Variants in FAH observed in about 807,000 individuals in gnomAD.
The protein encoded by FAH is fumarylacetoacetate hydrolase.
A neutral mutation model predicts 55.8 loss-of-function variants in FAH; 47 were observed. That is an observed-to-expected ratio of 0.84 (90% CI 0.67 to 1.07). The LOEUF is 1.07. Among genes scored for constraint, FAH ranks in the 50% least tolerant of loss-of-function variants. FAH has a pLI of 0.00. For missense variants in FAH, 495 were observed against 545.9 expected (o/e 0.91, Z 0.93); for synonymous variants, 199 against 207.7 (o/e 0.96, Z 0.36).
chr15:80,176,773 A>G (rs1017968290), intron 10 of FAH, among the ~76,000 whole-genome samples: 8 of 152,246 alleles, frequency 5.3e-5, no homozygotes, highest in African/African-American at 1.9e-4. Context: ...GGCCACTGGT[A>G]GAAAAGGGAC....
Position 80,159,887 on chromosome 15 carries a change from A to C in FAH, c.314+10A>C. 6.2e-7 allele frequency: 1 copy of C among 1,614,008 alleles called. No homozygotes were observed. Among genetic ancestry groups the C allele is most frequent in the Non-Finnish European group, 8.5e-7 (1 of 1,179,966 alleles). On this transcript the variant is annotated intron_variant, in intron 3 of 13. Transcript: ENST00000561421. Reference sequence around the variant, plus strand: ...CCGAACTTCGGAAGTGGTGAGAAGCACGTGGTCATAGGGGGGATGAGGGGA... The same window carrying C: ...CCGAACTTCGGAAGTGGTGAGAAGCCCGTGGTCATAGGGGGGATGAGGGGA...
chr15:80,161,000 G>A (rs2041144204), intron 4 of FAH, among the ~76,000 whole-genome samples: 1 of 152,174 alleles, frequency 6.6e-6, no homozygotes, highest in African/African-American at 2.4e-5. Flanking sequence ...GTGAGCTGAG[G>A]GGCCAGTTGA....
In FAH at chr15:80,181,066, T is replaced by C. The variant is rs747601264; in HGVS notation, c.1087T>C (p.Leu363=). The part of the protein sequence containing the change: ...GPEPENFGSM[L]ELSWKGTKPI... ...GGAGCCAGAAAACTTCGGCTCCATG[T>C]TGGAACTGTCGTGGAAGGGAACGAA... is the stretch of plus-strand genomic sequence containing the variant. Residue 363 remains leucine (L), a synonymous_variant, in exon 13 of 14, where the codon TTG becomes CTG. Coordinates refer to ENST00000561421, the MANE Select transcript of FAH (RefSeq NM_000137.4). 1 of 1,613,724 alleles carries C rather than the reference T, an allele frequency of 6.2e-7. No individual in the cohort carries two copies. Among genetic ancestry groups the C allele is most frequent in the Non-Finnish European group, 8.5e-7 (1 of 1,179,740 alleles).
At chr15:80,165,049 A>AG (rs1182964071) in intron 5 of FAH, among the ~76,000 whole-genome samples, 1 of 152,236 alleles carries the variant, frequency 6.6e-6, no homozygotes, top group Non-Finnish European at 1.5e-5. Flanking sequence ...GGTAGGTAAT[A>AG]CAAGACAATT....
At chr15:80,159,627 G>T in intron 2 of FAH, 129 bp from the exon 3 acceptor site, 1 of 1,049,528 alleles carries the variant, frequency 9.5e-7, no homozygotes. Flanking sequence ...AAGAGCAGAG[G>T]TCCTGAGAGT....
intron 13 of FAH, 63 bp from the exon 14 acceptor site, chr15:80,186,067 C>T: frequency 7.4e-7 from 1 of 1,356,302 alleles, no homozygotes; most frequent in South Asian, 1.2e-5. Context: ...CTGCCGCTGC[C>T]TAGGTGTTGG....
chr15:80,160,193 TGTCTA>T, intron 3 of FAH: 1 of 651,354 alleles, frequency 1.5e-6, no homozygotes, highest in East Asian at 2.7e-5. Context: ...AGTTTCCACT[TGTCTA>T]GTCCCATTTC....
intron 4 of FAH, among the ~76,000 whole-genome samples, chr15:80,160,987 C>G (rs2041144132): frequency 6.6e-6 from 1 of 152,190 alleles, no homozygotes; most frequent in Non-Finnish European, 1.5e-5. Flanking sequence ...TACCTGGGCA[C>G]CTGTGAGCTG....
intron 10 of FAH, among the ~76,000 whole-genome samples, chr15:80,176,029 T>A (rs574081435): frequency 3.3e-5 from 5 of 151,910 alleles, no homozygotes; most frequent in Non-Finnish European, 4.4e-5. Flanking sequence ...TCTTTTTTTT[T>A]CCCCCGAGAT....
At chr15:80,163,895 T>G (rs1369164348) in intron 5 of FAH, among the ~76,000 whole-genome samples, 1 of 152,096 alleles carries the variant, frequency 6.6e-6, no homozygotes, top group Non-Finnish European at 1.5e-5. Flanking sequence ...GGTTGAAAAA[T>G]TGGTCTATTC....
At chr15:80,159,040 C>A (rs1168014357) in intron 2 of FAH, among the ~76,000 whole-genome samples, 1 of 151,970 alleles carries the variant, frequency 6.6e-6, no homozygotes, top group Non-Finnish European at 1.5e-5. Flanking sequence ...GAGTTCGAGA[C>A]CAGCCTGGCC....
intron 1 of FAH, 78 bp downstream of exon 1, chr15:80,153,213 G>T: frequency 8.7e-7 from 1 of 1,149,270 alleles, no homozygotes; most frequent in East Asian, 2.4e-5. Flanking sequence ...GAGTGGAGTG[G>T]AATGGAGTGG....
At chr15:80,154,061 G>A (rs890271078) in intron 1 of FAH, among the ~76,000 whole-genome samples, 3 of 152,132 alleles carry the variant, frequency 2.0e-5, no homozygotes, top group Non-Finnish European at 4.4e-5. Flanking sequence ...GCCTGTCTGC[G>A]GTAAGTGCTT....
chr15:80,152,917 C>T, upstream of FAH: 2 of 667,530 alleles, frequency 3.0e-6, no homozygotes, highest in Non-Finnish European at 5.0e-6. Flanking sequence ...TAGGAGCCTC[C>T]GGGGTCCCTG....
intron 10 of FAH, among the ~76,000 whole-genome samples, chr15:80,176,372 T>A (rs1451254407): frequency 3.3e-5 from 5 of 152,244 alleles, no homozygotes; most frequent in Admixed American, 2.6e-4. Flanking sequence ...TTGCCATGTC[T>A]GTCTCACTGT....
At chr15:80,183,088 G>A (rs552596497) in intron 13 of FAH, among the ~76,000 whole-genome samples, 1 of 152,312 alleles carries the variant, frequency 6.6e-6, no homozygotes, top group East Asian at 1.9e-4. Flanking sequence ...AAGATGCCAT[G>A]AGAGTCATTT....
rs2041064990 is a variant in FAH at position 80,153,067 on chromosome 15, C to G, written c.13C>G (p.Pro5Ala). 6.2e-7 allele frequency: 1 copy of G among 1,613,736 alleles called. No homozygotes were observed. Among genetic ancestry groups the G allele is most frequent in the Non-Finnish European group, 8.5e-7 (1 of 1,179,986 alleles). ...GGTGCTCTTCAGCATGTCCTTCATCCCGGTGGCCGAGGATTCCGACTTCCC... is the reference window on the plus strand; with the variant it reads ...GGTGCTCTTCAGCATGTCCTTCATCGCGGTGGCCGAGGATTCCGACTTCCC... Reference protein sequence around the residue: MSFIPVAEDSDFPIH... With the variant: MSFIAVAEDSDFPIH... The change falls in exon 1 of 14, where the codon CCG (proline) becomes GCG (alanine). Residue 5 changes from proline to alanine, a missense_variant. Coordinates refer to ENST00000561421, the MANE Select transcript of FAH (RefSeq NM_000137.4).
intron 9 of FAH, chr15:80,173,644 G>A (rs1004071693): frequency 4.6e-5 from 12 of 263,708 alleles, no homozygotes; most frequent in South Asian, 3.9e-4. Flanking sequence ...TTCTCAGCCT[G>A]TTGCAATCTG....
rs150606030 is a variant in FAH, at chr15:80,177,557, G to A, written c.934G>A (p.Ala312Thr). The change falls in exon 11 of 14, where the codon GCT becomes ACT. Residue 312 changes from alanine (A) to threonine (T), a missense_variant. Transcript: ENST00000561421. ...NLKGEGMSQA[A>T]TICKSNFKYM... Reference sequence around the variant, plus strand: ...AACAGGAGAAGGAATGAGCCAGGCGGCTACCATATGCAAGTCCAATTTTAA... The same window carrying A: ...AACAGGAGAAGGAATGAGCCAGGCGACTACCATATGCAAGTCCAATTTTAA... The A allele has an allele frequency of 6.2e-6, 10 of 1,614,050 alleles. No homozygotes were observed. The highest frequency in any genetic ancestry group is 7.6e-6 in the Non-Finnish European group (9 of 1,179,896).
Sources: allele counts gnomAD v4.1 joint callset (sites outside exome capture counted in the v4.1 genomes callset), GRCh38; gene constraint gnomAD v4.1.1; transcripts MANE v1.5; gene names NCBI Gene and HGNC (gene_info 2026-07-23, HGNC 2026-07-21).